The following DOCK1 variants were observed in gnomAD, a reference collection of about 807,000 sequenced individuals.
DOCK1 encodes dedicator of cytokinesis protein 1.
DOCK1 carries 138 observed loss-of-function variants against 262.7 expected under a neutral mutation model. That is an observed-to-expected ratio of 0.53 (90% CI 0.46 to 0.61). The LOEUF (loss-of-function observed/expected upper bound fraction) is 0.61, where lower values mean the gene tolerates loss of function less well. Among genes scored for constraint, DOCK1 ranks in the 20% least tolerant of loss-of-function variants. DOCK1 has a pLI of 0.00. For missense variants in DOCK1, 1,908 were observed against 2,370.7 expected, an observed-to-expected ratio of 0.80 and a Z score of 4.05; for synonymous variants, 866 against 867.4, an observed-to-expected ratio of 1.00 and a Z score of 0.03.
chr10:127,099,195 G>A (rs1441858409), intron 23 of DOCK1, among the ~76,000 whole-genome samples: 2 of 152,128 alleles, frequency 1.3e-5, no homozygotes, highest in African/African-American at 4.8e-5. Flanking sequence ...AAATAAAGAG[G>A]TCACGACTAT....
At chr10:127,173,090 G>T (rs1022513131) in intron 27 of DOCK1, among the ~76,000 whole-genome samples, 2 of 152,050 alleles carry the variant, frequency 1.3e-5, no homozygotes, top group Non-Finnish European at 2.9e-5. Flanking sequence ...CACATTGGAC[G>T]CCCACAAGAC....
intron 29 of DOCK1, among the ~76,000 whole-genome samples, chr10:127,302,901 C>T (rs2061738216): frequency 6.6e-6 from 1 of 152,046 alleles, no homozygotes; most frequent in African/African-American, 2.4e-5. Flanking sequence ...TGCATGGTCA[C>T]TAGAAAAGAT....
At chr10:127,429,544 A>G (rs2069136407) in intron 47 of DOCK1, among the ~76,000 whole-genome samples, 1 of 152,166 alleles carries the variant, frequency 6.6e-6, no homozygotes, top group African/African-American at 2.4e-5. Context: ...AAGGACATAA[A>G]CCATTTTGTC....
intron 1 of DOCK1, among the ~76,000 whole-genome samples, chr10:126,934,718 G>T (rs2034436504): frequency 6.8e-6 from 1 of 146,434 alleles, no homozygotes; most frequent in African/African-American, 2.5e-5. Context: ...TGCTAGCACA[G>T]CTAGTCACAG....
intron 27 of DOCK1, among the ~76,000 whole-genome samples, chr10:127,186,640 A>C (rs1312732892): frequency 6.6e-6 from 1 of 151,608 alleles, no homozygotes; most frequent in Non-Finnish European, 1.5e-5. Flanking sequence ...GGGCATAAAC[A>C]TATGAATGAA....
chr10:127,363,385 CT>C (rs1373971195), intron 33 of DOCK1, among the ~76,000 whole-genome samples: 1 of 152,076 alleles, frequency 6.6e-6, no homozygotes, highest in Non-Finnish European at 1.5e-5. Context: ...TGGTGCACAC[CT>C]GTGGTCAGGG....
chr10:127,376,004 T>C (rs2065465017), intron 35 of DOCK1, among the ~76,000 whole-genome samples: 1 of 152,180 alleles, frequency 6.6e-6, no homozygotes, highest in Admixed American at 6.5e-5. Flanking sequence ...CTAGATTCCT[T>C]TTACCCAGTC....
intron 25 of DOCK1, among the ~76,000 whole-genome samples, chr10:127,114,841 G>C (rs1352868371): frequency 6.8e-6 from 1 of 147,364 alleles, no homozygotes; most frequent in Non-Finnish European, 1.5e-5. Flanking sequence ...ACTGCAACCT[G>C]TGCCTCCCGG....
intron 32 of DOCK1, among the ~76,000 whole-genome samples, 198 bp downstream of exon 32, chr10:127,354,925 G>A (rs2064066149): frequency 6.6e-6 from 1 of 152,294 alleles, no homozygotes; most frequent in East Asian, 1.9e-4. Context: ...AAAATCTCAC[G>A]GGTGGGGCAA....
chr10:126,931,392 T>C (rs1462929698), intron 1 of DOCK1, among the ~76,000 whole-genome samples: 1 of 152,190 alleles, frequency 6.6e-6, no homozygotes, highest in Non-Finnish European at 1.5e-5. Context: ...CTGATCCTTC[T>C]CTGTGTGGAA....
Position 127,415,258 on chromosome 10 carries a change from A to G in DOCK1, c.4515+20A>G, listed in dbSNP as rs78287693. ...TTCATGGTAAGGATGGCCCCACCCC[A>G]GAAGGAATTGTCCGTTCCCTTCCTC... On this transcript the variant is annotated intron_variant, in intron 44 of 51. Coordinates refer to ENST00000623213, the MANE Select transcript of DOCK1 (RefSeq NM_001290223.2). 3,660 of 1,608,496 alleles carry G rather than the reference A, an allele frequency of 2.3e-3. 95 individuals carry two copies. In the African/African-American group the frequency reaches 0.044, roughly 19 times the overall value.
intron 1 of DOCK1, among the ~76,000 whole-genome samples, chr10:126,922,886 G>A (rs1454698575): frequency 2.0e-5 from 3 of 152,170 alleles, no homozygotes; most frequent in South Asian, 2.1e-4. Flanking sequence ...TGAGGTGGGC[G>A]GAGCACCTGA....
intron 1 of DOCK1, among the ~76,000 whole-genome samples, chr10:126,949,366 C>G (rs1303529566): frequency 4.6e-5 from 7 of 152,052 alleles, no homozygotes; most frequent in East Asian, 1.9e-4. Flanking sequence ...AAGTGCAACC[C>G]AGGCAGGATT....
chr10:127,357,772 A>G (rs1471209271), intron 32 of DOCK1, among the ~76,000 whole-genome samples: 1 of 152,116 alleles, frequency 6.6e-6, no homozygotes, highest in Non-Finnish European at 1.5e-5. Context: ...TGCTGGTAAA[A>G]TAAGTTATCT....
intron 48 of DOCK1, 64 bp from the exon 49 acceptor site, chr10:127,438,963 A>G: frequency 6.9e-7 from 1 of 1,452,382 alleles, no homozygotes; most frequent in East Asian, 2.5e-5. Context: ...GAGTGACTTT[A>G]CACGTGTCTG....
At chr10:127,318,410 G>T (rs1028291350) in intron 29 of DOCK1, among the ~76,000 whole-genome samples, 1 of 152,206 alleles carries the variant, frequency 6.6e-6, no homozygotes, top group South Asian at 2.1e-4. Flanking sequence ...GTGAGGAGAC[G>T]AGTAGGGCTG....
intron 8 of DOCK1, 116 bp from the exon 9 acceptor site, chr10:126,999,238 T>G: frequency 1.4e-6 from 1 of 720,676 alleles, no homozygotes; most frequent in Non-Finnish European, 2.3e-6. Flanking sequence ...ATTTATAAAC[T>G]CAATAGTTGT....
At chr10:127,263,129 C>T (rs1208030901) in intron 29 of DOCK1, among the ~76,000 whole-genome samples, 5 of 152,160 alleles carry the variant, frequency 3.3e-5, no homozygotes, top group Non-Finnish European at 7.3e-5. Flanking sequence ...TTACTGCTTA[C>T]GTGAGTGAAT....
intron 1 of DOCK1, among the ~76,000 whole-genome samples, chr10:126,939,875 C>T (rs1473750848): frequency 6.6e-6 from 1 of 152,154 alleles, no homozygotes; most frequent in Non-Finnish European, 1.5e-5. Context: ...GTAAGTGTGA[C>T]GCATGTCCCC....
Sources: allele counts gnomAD v4.1 joint callset (sites outside exome capture counted in the v4.1 genomes callset), GRCh38; gene constraint gnomAD v4.1.1; transcripts MANE v1.5; gene names NCBI Gene and HGNC (gene_info 2026-07-23, HGNC 2026-07-21).